Variants in ACTR3C observed in about 807,000 individuals in gnomAD.
ACTR3C encodes actin-related protein 3C.
In ACTR3C, 18 loss-of-function variants were observed where a neutral mutation model predicts 26.3. The observed-to-expected ratio is 0.68, with a 90% confidence interval of 0.47 to 1.01. The LOEUF is 1.01. Ranked by LOEUF, ACTR3C falls within the 50% of genes least tolerant of loss-of-function variation. The probability of loss-of-function intolerance (pLI) is 0.00; values close to 1 mark genes in which losing one functional copy is unlikely to be tolerated. For missense variants in ACTR3C, 184 were observed against 250.7 expected (o/e 0.73, Z 1.80); for synonymous variants, 55 against 94.5 (o/e 0.58, Z 2.42).
the ACTR3C span, among the ~76,000 whole-genome samples, chr7:150,228,412 TA>T: frequency 6.6e-6 from 1 of 152,228 alleles, no homozygotes; most frequent in African/African-American, 2.4e-5. Context: ...ATTGCTATGT[TA>T]TCTTATATGA....
At chr7:149,967,028 ATT>A in the ACTR3C span, among the ~76,000 whole-genome samples, 2,625 of 64,574 alleles carry the variant, frequency 0.041, 84 homozygotes, top group African/African-American at 0.13. Context: ...TGCACAGCTA[ATT>A]TTTTTTTTTT....
At chr7:150,037,141 T>TCA in the ACTR3C span, among the ~76,000 whole-genome samples, 1 of 55,426 alleles carries the variant, frequency 1.8e-5, no homozygotes, top group African/African-American at 6.8e-5. Flanking sequence ...AGTCCCTGCC[T>TCA]CGTGGGGGGT....
At chr7:149,978,207 C>T in the ACTR3C span, among the ~76,000 whole-genome samples, 1 of 152,206 alleles carries the variant, frequency 6.6e-6, no homozygotes. Flanking sequence ...GCAGCGGAGG[C>T]CAGGTCTTGG....
the ACTR3C span, among the ~76,000 whole-genome samples, chr7:149,966,034 G>A: frequency 6.6e-6 from 1 of 152,200 alleles, no homozygotes; most frequent in Non-Finnish European, 1.5e-5. Context: ...ATTTCTCTAT[G>A]AGCAATGTGT....
the ACTR3C span, among the ~76,000 whole-genome samples, chr7:150,045,421 CAT>C: frequency 6.6e-6 from 1 of 152,222 alleles, no homozygotes; most frequent in African/African-American, 2.4e-5. Flanking sequence ...ATTTAAAGGA[CAT>C]ATGTGCAATG....
chr7:150,192,469 C>G, the ACTR3C span, among the ~76,000 whole-genome samples: 2 of 152,036 alleles, frequency 1.3e-5, no homozygotes, highest in Non-Finnish European at 2.9e-5. Flanking sequence ...GTCCAGTTAA[C>G]TTAAAAATTT....
downstream of ACTR3C, chr7:150,245,825 T>C (rs2888654): frequency 6.6e-6 from 1 of 152,208 alleles, no homozygotes; most frequent in Admixed American, 6.5e-5. Context: ...TCAGTGAAGA[T>C]CCCACAGAGG....
the ACTR3C span, among the ~76,000 whole-genome samples, chr7:150,206,712 G>A: frequency 6.6e-5 from 10 of 152,244 alleles, no homozygotes; most frequent in African/African-American, 1.7e-4. Flanking sequence ...GTGAGCCACC[G>A]CACCAGGCGG....
chr7:150,162,177 A>G, the ACTR3C span, among the ~76,000 whole-genome samples: 2 of 152,332 alleles, frequency 1.3e-5, no homozygotes, highest in East Asian at 1.9e-4. Context: ...CAAATGAAAT[A>G]AACTTGTTTC....
At chr7:150,237,062 C>T in the ACTR3C span, among the ~76,000 whole-genome samples, 1 of 151,002 alleles carries the variant, frequency 6.6e-6, no homozygotes, top group African/African-American at 2.5e-5. Context: ...GTAGGTGAAG[C>T]CCATAGTATT....
Position 150,316,633 on chromosome 7 carries a change from G to A in ACTR3C, c.-52+6836C>T, listed in dbSNP as rs111938989. 3.9e-3 allele frequency among the ~76,000 whole-genome samples: 600 copies of A among 152,002 alleles called. 6 individuals carry two copies. Among genetic ancestry groups the A allele is most frequent in the African/African-American group, 0.014 (575 of 41,464 alleles). ...CCTGAGCAGCTGGGACTACAGATGC[G>A]TGCCATCACGCTCAGCTAATTTTTG... On this transcript the variant is annotated intron_variant, in intron 1 of 7. Transcript: ENST00000683684.
intron 7 of ACTR3C, 87 bp from the exon 8 acceptor site, chr7:150,247,656 T>G (rs1300655255): frequency 7.1e-6 from 1 of 139,942 alleles, no homozygotes; most frequent in Non-Finnish European, 1.5e-5. Context: ...GTAGTTTTGA[T>G]ATGCCCCCAC....
At chr7:149,927,046 G>C in the ACTR3C span, among the ~76,000 whole-genome samples, 1 of 150,438 alleles carries the variant, frequency 6.6e-6, no homozygotes, top group East Asian at 2.0e-4. Context: ...GCAGCCTCCA[G>C]AACTATGAGC....
At chr7:150,097,264 C>T in the ACTR3C span, among the ~76,000 whole-genome samples, 1 of 151,738 alleles carries the variant, frequency 6.6e-6, no homozygotes, top group African/African-American at 2.4e-5. Flanking sequence ...GTGAGCCTGG[C>T]TAAACTGATA....
chr7:150,190,783 A>G, the ACTR3C span, among the ~76,000 whole-genome samples: 1 of 152,176 alleles, frequency 6.6e-6, no homozygotes, highest in Non-Finnish European at 1.5e-5. Context: ...ATAGAGGTTT[A>G]ATTGACTCCC....
chr7:150,089,833 A>G, the ACTR3C span, among the ~76,000 whole-genome samples: 1 of 152,360 alleles, frequency 6.6e-6, no homozygotes, highest in South Asian at 2.1e-4. Context: ...GGAATTGGGC[A>G]CAAGTCTGGC....
At chr7:150,009,324 A>T in the ACTR3C span, among the ~76,000 whole-genome samples, 175 of 152,360 alleles carry the variant, frequency 1.1e-3, no homozygotes, top group Middle Eastern at 6.8e-3. Flanking sequence ...CAGCACACCC[A>T]GGAAGACAAG....
chr7:150,077,573 G>A, the ACTR3C span, among the ~76,000 whole-genome samples: 2 of 152,068 alleles, frequency 1.3e-5, no homozygotes, highest in African/African-American at 4.8e-5. Context: ...ATAGCATGAT[G>A]GATCCAGAGG....
chr7:149,900,478 GTTTC>G, the ACTR3C span, among the ~76,000 whole-genome samples: 1 of 151,736 alleles, frequency 6.6e-6, no homozygotes, highest in Non-Finnish European at 1.5e-5. Flanking sequence ...CCCTGCCTAT[GTTTC>G]TTTAATTAAG....
Sources: allele counts gnomAD v4.1 joint callset (sites outside exome capture counted in the v4.1 genomes callset), GRCh38; gene constraint gnomAD v4.1.1; transcripts MANE v1.5; gene names NCBI Gene and HGNC (gene_info 2026-07-23, HGNC 2026-07-21).